Variants in ZSCAN12 observed in about 807,000 individuals in gnomAD.
ZSCAN12 encodes the protein zinc finger and SCAN domain containing 12, also known as zinc finger and SCAN domain-containing protein 12.
ZSCAN12 carries 18 observed loss-of-function variants against 23.4 expected under a neutral mutation model. That is an observed-to-expected ratio of 0.77 (90% CI 0.53 to 1.14). The LOEUF is 1.14. ZSCAN12 is among the 50% of genes most tolerant of loss of function. The pLI, the probability that ZSCAN12 is intolerant of heterozygous loss-of-function variation, is 0.00. For missense variants in ZSCAN12, 650 were observed against 735.0 expected (o/e 0.88, Z 1.34); for synonymous variants, 186 against 253.4 (o/e 0.73, Z 2.53).
At chr6:28,382,547 T>C (rs1043254737), downstream of ZSCAN12, 1 of 1,551,790 alleles carries the variant, frequency 6.4e-7, no homozygotes, top group Non-Finnish European at 8.7e-7. Context: ...CAGGAGAAGA[T>C]TCACTCCAGC....
downstream of ZSCAN12, among the ~76,000 whole-genome samples, chr6:28,384,546 C>T (rs1237070534): frequency 6.6e-6 from 1 of 152,106 alleles, no homozygotes; most frequent in African/African-American, 2.4e-5. Flanking sequence ...TGAAGAGAAT[C>T]AACTGTCTCT....
At chr6:28,380,802 T>C (rs1287626754), downstream of ZSCAN12, 1 of 153,732 alleles carries the variant, frequency 6.5e-6, no homozygotes, top group Non-Finnish European at 1.5e-5. Context: ...CCAACAAAAT[T>C]CAGCATCTCC....
rs558767625 is a variant in ZSCAN12, at chr6:28,391,329, T to G, written c.961A>C (p.Lys321Gln). 2.1e-4 allele frequency: 323 copies of G among 1,552,180 alleles called. 1 individual carries two copies. Among genetic ancestry groups the G allele is most frequent in the East Asian group, 5.4e-4 (22 of 40,928 alleles). The change falls in exon 4 of 4, where the codon AAA becomes CAA. Residue 321 changes from lysine to glutamine, a missense_variant. Lys to Gln is a moderately conservative substitution (Grantham distance 53). Transcript: ENST00000684592. This position sits in a 1 kb window ranked among gnomAD's most constrained non-coding sequence, Gnocchi z 4.1. ...FRGRTVLIRH[K>Q]IIHTGEKPYK... Reference sequence around the variant, plus strand: ...GGTTTCTCTCCAGTGTGTATTATTTTGTGTCGAATAAGCACAGTTCTCCCA... The same window carrying G: ...GGTTTCTCTCCAGTGTGTATTATTTGGTGTCGAATAAGCACAGTTCTCCCA...
At chr6:28,399,405 A>G (rs1013733646) in intron 1 of ZSCAN12, among the ~76,000 whole-genome samples, 3 of 152,220 alleles carry the variant, frequency 2.0e-5, no homozygotes, top group African/African-American at 7.2e-5. Context: ...CGCTGAACCC[A>G]AGGATACACA....
At chr6:28,392,192 T>A (rs1396879897) in intron 3 of ZSCAN12, among the ~76,000 whole-genome samples, 1 of 151,644 alleles carries the variant, frequency 6.6e-6, no homozygotes, top group Non-Finnish European at 1.5e-5. Context: ...TCTTTTTTTT[T>A]TTTTTGAGAC....
rs558888363 is a variant in ZSCAN12 at position 28,385,485 on chromosome 6, A to T, written c.*4969T>A. On this transcript the variant is annotated 3_prime_UTR_variant, in exon 4 of 4. Transcript: ENST00000684592. ...TAATGACTGGAGATAAAAAGTTTTT[A>T]CAGATAATTACTCAAGACACTGAAT... 6.6e-5 allele frequency among the ~76,000 whole-genome samples: 10 copies of T among 152,326 alleles called. No homozygotes were observed. Among genetic ancestry groups the T allele is most frequent in the Non-Finnish European group, 1.2e-4 (8 of 68,024 alleles).
rs1457936953 is a variant in ZSCAN12 at position 28,391,133 on chromosome 6, T to C, written c.1157A>G (p.Tyr386Cys). Reference sequence around the variant, plus strand: ...ACTTTTATTACACTGAGTGCACTGATAAGGTTTGTCTCTTGTGTGGATCTT... The same window carrying C: ...ACTTTTATTACACTGAGTGCACTGACAAGGTTTGTCTCTTGTGTGGATCTT... The part of the protein sequence containing the change: ...HIKIHTRDKP[Y>C]QCTQCNKSFS... The change falls in exon 4 of 4, where the codon TAT (tyrosine) becomes TGT (cysteine). Residue 386 changes from tyrosine to cysteine, a missense_variant. By Grantham distance (194) the Tyr-to-Cys change is radical. Transcript: ENST00000684592. The surrounding 1 kb of genome is among the most constrained non-coding windows in gnomAD (Gnocchi z 4.1). 2 of 1,552,078 alleles carry C rather than the reference T, an allele frequency of 1.3e-6. No individual in the cohort carries two copies. Among genetic ancestry groups the C allele is most frequent in the East Asian group, 2.4e-5 (1 of 40,924 alleles).
At position 28,384,776 on chromosome 6, in the gene ZSCAN12, T is replaced by C. The variant is rs1190022319; in HGVS notation, c.*5678A>G. Reference sequence around the variant, plus strand: ...TTTATATATATATGTAGAAATACTATACAAGTAAAAAATAATGTGTGAGGA... The same window carrying C: ...TTTATATATATATGTAGAAATACTACACAAGTAAAAAATAATGTGTGAGGA... On this transcript the variant is annotated 3_prime_UTR_variant, in exon 4 of 4. Transcript: ENST00000684592. Among the ~76,000 whole-genome samples, 1 of 152,218 alleles carries C rather than the reference T, an allele frequency of 6.6e-6. No individual in the cohort carries two copies. The highest frequency in any genetic ancestry group is 1.5e-5 in the Non-Finnish European group (1 of 68,038).
intron 2 of ZSCAN12, 93 bp from the exon 3 acceptor site, chr6:28,393,139 CT>C: frequency 2.9e-6 from 4 of 1,359,250 alleles, no homozygotes; most frequent in Non-Finnish European, 3.0e-6. Context: ...CTGAAATGAC[CT>C]TTTTCCCAGA....
chr6:28,393,784 A>AGG (rs1243192829), intron 2 of ZSCAN12, among the ~76,000 whole-genome samples: 3 of 151,870 alleles, frequency 2.0e-5, no homozygotes, highest in Non-Finnish European at 2.9e-5. Flanking sequence ...GGAGAAAGAA[A>AGG]GGGAAAAGAA....
In ZSCAN12 at chr6:28,390,736, G is replaced by A. The variant is rs1287044744; in HGVS notation, c.1554C>T (p.Ile518=). Residue 518 remains isoleucine, a synonymous_variant, in exon 4 of 4, where the codon ATC becomes ATT. Coordinates refer to ENST00000684592, the MANE Select transcript of ZSCAN12 (RefSeq NM_001163391.2). ...ACTTGTAGGGCCTCTCTCCAGTGTG[G>A]ATTCTCTGATGTTCCGTGAGGACTG... ...QRSVLTEHQR[I]HTGERPYKCD... 6 of 1,611,570 alleles carry A rather than the reference G, an allele frequency of 3.7e-6. No homozygotes were observed. The South Asian group carries it at 5.5e-5, about 15-fold the overall frequency.
Position 28,385,139 on chromosome 6 carries a change from A to ATTT in ZSCAN12, c.*5314_*5315insAAA. 1.3e-5 allele frequency among the ~76,000 whole-genome samples: 2 copies of ATTT among 152,370 alleles called. 1 individual carries two copies. Among genetic ancestry groups the ATTT allele is most frequent in the Middle Eastern group, 6.8e-3 (2 of 294 alleles). ...TATAAAATCACTTTTGAAAACTGGCATTAAAGATAGATCCATAATGGGTTA... is the reference window on the plus strand; with the variant it reads ...TATAAAATCACTTTTGAAAACTGGCATTTTTAAAGATAGATCCATAATGGGTTA... On this transcript the variant is annotated 3_prime_UTR_variant, in exon 4 of 4. Coordinates refer to ENST00000684592, the MANE Select transcript of ZSCAN12 (RefSeq NM_001163391.2).
At chr6:28,392,713 T>C (rs902824744) in intron 3 of ZSCAN12, among the ~76,000 whole-genome samples, 189 bp downstream of exon 3, 6 of 152,014 alleles carry the variant, frequency 3.9e-5, no homozygotes, top group African/African-American at 1.2e-4. Context: ...TAGAAGAATA[T>C]GAATATACAA....
chr6:28,391,425 G>A lies in ZSCAN12; in HGVS notation c.865C>T (p.Leu289Phe). The A allele has an allele frequency of 6.4e-7, 1 of 1,551,528 alleles. No homozygotes were observed. Reference sequence around the variant, plus strand: ...GTATGGATCCTCTGATGTTCTATGAGGTGTGAGTGCTGACTAAAAGCTTTT... The same window carrying A: ...GTATGGATCCTCTGATGTTCTATGAAGTGTGAGTGCTGACTAAAAGCTTTT... ...CGKAFSQHSH[L>F]IEHQRIHTGD... is the part of the protein sequence containing the mutation. The change falls in exon 4 of 4, where the codon CTC becomes TTC. Residue 289 changes from leucine (L) to phenylalanine (F), a missense_variant. Leu to Phe is a conservative substitution (Grantham distance 22, BLOSUM62 0). Coordinates refer to ENST00000684592, the MANE Select transcript of ZSCAN12 (RefSeq NM_001163391.2). This position sits in a 1 kb window ranked among gnomAD's most constrained non-coding sequence, Gnocchi z 4.1.
chr6:28,395,907 C>T (rs1581783136), intron 2 of ZSCAN12, among the ~76,000 whole-genome samples: 1 of 152,230 alleles, frequency 6.6e-6, no homozygotes, highest in Middle Eastern at 3.4e-3. Flanking sequence ...TCTGACAAGT[C>T]TACAGAAAAC....
downstream of ZSCAN12, chr6:28,380,565 A>C (rs1760180647): frequency 1.3e-5 from 2 of 153,592 alleles, no homozygotes; most frequent in Admixed American, 1.3e-4. Flanking sequence ...GTGGCTGAAA[A>C]CTTTCCCACA....
Position 28,390,858 on chromosome 6 carries a change from A to C in ZSCAN12, c.1432T>G (p.Phe478Val). 1 of 1,582,870 alleles carries C rather than the reference A, an allele frequency of 6.3e-7. No homozygotes were observed. Among genetic ancestry groups the C allele is most frequent in the Non-Finnish European group, 8.6e-7 (1 of 1,163,816 alleles). The change falls in exon 4 of 4, where the codon TTT (phenylalanine) becomes GTT (valine). Residue 478 changes from phenylalanine to valine, a missense_variant. Coordinates refer to ENST00000684592, the MANE Select transcript of ZSCAN12 (RefSeq NM_001163391.2). ...TCTGTAAGACTTGTCCTTTGAATAA[A>C]GGCTTTTTCACATACGTCACATTTG... ...PYKCDVCEKA[F>V]IQRTSLTEHQ...
downstream of ZSCAN12, chr6:28,381,156 A>C (rs1760214782): frequency 1.3e-5 from 2 of 152,234 alleles, no homozygotes; most frequent in East Asian, 3.8e-4. Context: ...ATAATCAAAA[A>C]AGAGAAGATC....
At chr6:28,396,203 G>T (rs1403828295) in intron 2 of ZSCAN12, among the ~76,000 whole-genome samples, 1 of 151,218 alleles carries the variant, frequency 6.6e-6, no homozygotes, top group Non-Finnish European at 1.5e-5. Context: ...ATAGAGATGG[G>T]GGTCTCACTA....
Sources: allele counts gnomAD v4.1 joint callset (sites outside exome capture counted in the v4.1 genomes callset), GRCh38; gene constraint gnomAD v4.1.1; non-coding constraint Gnocchi (gnomAD v3.1); transcripts MANE v1.5; gene names NCBI Gene and HGNC (gene_info 2026-07-23, HGNC 2026-07-21).